Variants in BSDC1 observed in about 807,000 individuals in gnomAD.
BSDC1 encodes the protein BSD domain containing 1, also known as BSD domain-containing protein 1.
BSDC1 carries 29 observed loss-of-function variants against 56.0 expected under a neutral mutation model. That is an observed-to-expected ratio of 0.52 (90% CI 0.39 to 0.71). The LOEUF (loss-of-function observed/expected upper bound fraction) is 0.71. BSDC1 is among the 30% of genes least tolerant of loss of function. The probability of loss-of-function intolerance (pLI) is 0.00; values close to 1 mark genes in which losing one functional copy is unlikely to be tolerated. For missense variants in BSDC1, 477 were observed against 548.5 expected, an observed-to-expected ratio of 0.87 and a Z score of 1.30; for synonymous variants, 210 against 215.3, an observed-to-expected ratio of 0.98 and a Z score of 0.21.
chr1:32,380,539 G>A (rs914678307), intron 5 of BSDC1, among the ~76,000 whole-genome samples: 3 of 152,084 alleles, frequency 2.0e-5, no homozygotes, highest in Non-Finnish European at 2.9e-5. Flanking sequence ...CCAGCTACTC[G>A]GGAGGCTGAG....
In BSDC1 at chr1:32,378,693, C is replaced by G. The variant is rs920002543; in HGVS notation, c.528+31G>C. On this transcript the variant is annotated intron_variant, in intron 6 of 10. Transcript: ENST00000455895. The surrounding 1 kb of genome is among the most constrained non-coding windows in gnomAD (Gnocchi z 5.2). ...ACCTCCCAACACCTCAAGCCTGGAG[C>G]TGGCTGAGGCCCTGCAGGCTGGGCC... 5 of 1,384,152 alleles carry G rather than the reference C, an allele frequency of 3.6e-6. No homozygotes were observed. Among genetic ancestry groups the G allele is most frequent in the African/African-American group, 1.5e-5 (1 of 68,030 alleles). 85.7% of individuals were successfully genotyped at this position (1,384,152 alleles called of 1,614,324 possible). A position where few individuals can be genotyped will look rare whatever the true frequency, so the allele number is the denominator to read the frequency against.
In BSDC1 at chr1:32,383,973, C is replaced by T. The variant is rs1642577229; in HGVS notation, c.214G>A (p.Glu72Lys). 1 of 1,613,254 alleles carries T rather than the reference C, an allele frequency of 6.2e-7. No homozygotes were observed. The highest frequency in any genetic ancestry group is 1.3e-5 in the African/African-American group (1 of 75,020). The stretch of plus-strand genomic sequence containing the variant: ...TCAGATAACCCTTTCTTCATCTTCT[C>T]TGTTGCTCCTGAGGAGCCTTCCGTC... ...LATEGSSGATEKMKKGLSDFL... is the reference protein window; with the variant it reads ...LATEGSSGATKKMKKGLSDFL... Residue 72 changes from glutamate (E) to lysine (K), a missense_variant, in exon 4 of 11, where the codon GAG becomes AAG. Transcript: ENST00000455895.
At chr1:32,380,600 C>T (rs1418601316) in intron 5 of BSDC1, among the ~76,000 whole-genome samples, 8 of 152,108 alleles carry the variant, frequency 5.3e-5, no homozygotes, top group African/African-American at 1.4e-4. Flanking sequence ...GAGCCGAGAT[C>T]GCGCCATTGC....
Position 32,394,283 on chromosome 1 carries a change from TG to T in BSDC1, c.11+120del. On this transcript the variant is annotated intron_variant, in intron 1 of 10. Coordinates refer to ENST00000455895, the MANE Select transcript of BSDC1 (RefSeq NM_018045.8). ...ACCCCCTCACAATGCGACTCCACTC[TG>T]CCCTTTCAGATCAGTCCACGCCCCC... 1.3e-6 allele frequency: 2 copies of T among 1,565,060 alleles called. 1 individual carries two copies. The highest frequency in any genetic ancestry group is 3.4e-5 in the Admixed American group (2 of 59,362).
At chr1:32,389,373 C>CA (rs899275137) in intron 2 of BSDC1, among the ~76,000 whole-genome samples, 1 of 152,140 alleles carries the variant, frequency 6.6e-6, no homozygotes, top group Admixed American at 6.5e-5. Flanking sequence ...AGTAGGTACT[C>CA]AAAAAATGTT....
In BSDC1 at chr1:32,394,427, A is replaced by T. The variant is rs373003556; in HGVS notation, c.-13T>A. The T allele has an allele frequency of 8.1e-6, 13 of 1,613,974 alleles. No individual in the cohort carries two copies. Among genetic ancestry groups the T allele is most frequent in the East Asian group, 6.7e-5 (3 of 44,876 alleles). Reference sequence around the variant, plus strand: ...ACCCTTCCGCCATCTTGCCTGCATGACATCACCACTATTTACTGACCTTTG... The same window carrying T: ...ACCCTTCCGCCATCTTGCCTGCATGTCATCACCACTATTTACTGACCTTTG... On this transcript the variant is annotated 5_prime_UTR_variant, in exon 1 of 11. Transcript: ENST00000455895.
chr1:32,384,126 C>T (rs1439808558), intron 3 of BSDC1, 129 bp from the exon 4 acceptor site: 39 of 1,323,232 alleles, frequency 2.9e-5, no homozygotes, highest in South Asian at 1.1e-4. Flanking sequence ...CGACCCTTCA[C>T]CCGTCTCTGG....
chr1:32,382,987 A>G (rs1642540832), intron 4 of BSDC1, among the ~76,000 whole-genome samples: 1 of 152,062 alleles, frequency 6.6e-6, no homozygotes, highest in African/African-American at 2.4e-5. Flanking sequence ...GTGTATTACT[A>G]GAAATTAGTC....
chr1:32,380,700 CT>C (rs939752939), intron 5 of BSDC1, among the ~76,000 whole-genome samples: 6 of 152,122 alleles, frequency 3.9e-5, no homozygotes, highest in Non-Finnish European at 7.4e-5. Context: ...GCATCACTTG[CT>C]TGGTTCCCAG....
chr1:32,367,509 C>T (rs1641895644), intron 10 of BSDC1: 1 of 985,422 alleles, frequency 1.0e-6, no homozygotes, highest in Non-Finnish European at 1.2e-6. Context: ...AATCTGTCCA[C>T]CTCTTTCTAA....
In BSDC1 at chr1:32,366,487, C is replaced by A; in HGVS notation, c.*135G>T. 1.1e-6 allele frequency: 1 copy of A among 888,138 alleles called. No individual in the cohort carries two copies. The highest frequency in any genetic ancestry group is 2.0e-5 in the Admixed American group (1 of 50,200). The allele number at this position is 888,138 out of a possible 1,614,324, so 55.0% of individuals were successfully genotyped here. A position where few individuals can be genotyped will look rare whatever the true frequency, so the allele number is the denominator to read the frequency against. On this transcript the variant is annotated 3_prime_UTR_variant, in exon 11 of 11. Transcript: ENST00000455895. ...AGGCCCAAGAGGGCCAGCAGGGAGC[C>A]ACCAGAATCTGTGCCCAGAGCTCTG...
At chr1:32,386,981 G>T in intron 2 of BSDC1, 86 bp from the exon 3 acceptor site, 1 of 1,020,074 alleles carries the variant, frequency 9.8e-7, no homozygotes, top group Non-Finnish European at 1.5e-6. Context: ...GTACCAGACA[G>T]ACAAATGGAA....
At chr1:32,370,586 G>A (rs1642039206) in intron 9 of BSDC1, among the ~76,000 whole-genome samples, 1 of 151,704 alleles carries the variant, frequency 6.6e-6, no homozygotes, top group South Asian at 2.1e-4. Context: ...GGTGGATCAC[G>A]AGGTCAGAAG....
intron 4 of BSDC1, among the ~76,000 whole-genome samples, chr1:32,382,417 T>A (rs1642511400): frequency 6.6e-6 from 1 of 151,112 alleles, no homozygotes; most frequent in Admixed American, 6.6e-5. Flanking sequence ...TGAGCTGTGA[T>A]CGCACCACTG....
intron 9 of BSDC1, 107 bp from the exon 10 acceptor site, chr1:32,368,657 A>G: frequency 6.9e-7 from 1 of 1,450,756 alleles, no homozygotes; most frequent in Non-Finnish European, 9.3e-7. Context: ...TCACAAATAC[A>G]CAAGTCTTTA....
intron 3 of BSDC1, among the ~76,000 whole-genome samples, chr1:32,384,227 T>A (rs1013809916): frequency 2.0e-5 from 3 of 151,266 alleles, no homozygotes; most frequent in Non-Finnish European, 4.4e-5. Flanking sequence ...ATCAGAGATC[T>A]TTGATTGGCT....
At chr1:32,367,858 T>C (rs544441397) in intron 10 of BSDC1, 145 of 998,332 alleles carry the variant, frequency 1.5e-4, no homozygotes, top group Middle Eastern at 5.1e-4. Context: ...CCAGGTCTTA[T>C]AATGATCAAT....
In BSDC1 at chr1:32,388,682, G is replaced by A. The variant is rs531967249; in HGVS notation, c.73-1787C>T. On this transcript the variant is annotated intron_variant, in intron 2 of 10. Coordinates refer to ENST00000455895, the MANE Select transcript of BSDC1 (RefSeq NM_018045.8). ...TGGCAGACTGGTATCCCCTACCACTGTGCCGTTCACTGAGCTCCAGCTGGC... is the reference window on the plus strand; with the variant it reads ...TGGCAGACTGGTATCCCCTACCACTATGCCGTTCACTGAGCTCCAGCTGGC... 2.6e-5 allele frequency among the ~76,000 whole-genome samples: 4 copies of A among 152,294 alleles called. No individual in the cohort carries two copies. In the South Asian group the frequency reaches 8.3e-4, roughly 32 times the overall value.
intron 2 of BSDC1, among the ~76,000 whole-genome samples, chr1:32,391,209 A>G (rs1642854404): frequency 6.6e-6 from 1 of 152,198 alleles, no homozygotes; most frequent in Non-Finnish European, 1.5e-5. Flanking sequence ...AGAATGGTCC[A>G]GGAAGATAAG....
Sources: gnomAD v4.1 joint callset for allele counts (sites outside exome capture counted in the v4.1 genomes callset) on GRCh38, gnomAD v4.1.1 for gene constraint, Gnocchi (gnomAD v3.1) non-coding constraint, MANE v1.5 for transcripts, NCBI Gene and HGNC (gene_info 2026-07-23, HGNC 2026-07-21) for gene names.